SEC23A: variants seen among roughly 807,000 people sequenced by gnomAD.
SEC23A encodes the protein protein transport protein Sec23A.
Under a neutral mutation model 103.7 loss-of-function variants are expected in SEC23A, and 56 were observed. The ratio of observed to expected loss-of-function variants is 0.54; its 90% CI spans 0.44 to 0.67. The LOEUF (loss-of-function observed/expected upper bound fraction) is 0.67. SEC23A is among the 30% of genes least tolerant of loss of function. The pLI is 0.00. For synonymous variants in SEC23A, 281 were observed against 293.0 expected, an observed-to-expected ratio of 0.96 and a Z score of 0.42; for missense variants, 784 against 936.4, an observed-to-expected ratio of 0.84 and a Z score of 2.12.
intron 9 of SEC23A, among the ~76,000 whole-genome samples, chr14:39,070,453 T>C (rs374196825): frequency 6.6e-6 from 1 of 152,094 alleles, no homozygotes; most frequent in African/African-American, 2.4e-5. Flanking sequence ...TGAAGACAGA[T>C]GCAAAAATCC....
At chr14:39,049,482 A>AG in intron 14 of SEC23A, among the ~76,000 whole-genome samples, 1 of 139,738 alleles carries the variant, frequency 7.2e-6, no homozygotes, top group East Asian at 2.2e-4. Flanking sequence ...TCTCCAAAAA[A>AG]AAAAAAAATT....
Position 39,064,614 on chromosome 14 carries a change from T to C in SEC23A, c.1308+299A>G, listed in dbSNP as rs527432330. 2.8e-5 allele frequency: 9 copies of C among 326,864 alleles called. No individual in the cohort carries two copies. The East Asian group carries it at 5.5e-4, about 20-fold the overall frequency. 20.2% of individuals were successfully genotyped at this position (326,864 alleles called of 1,614,324 possible). A position where few individuals can be genotyped will look rare whatever the true frequency, so the allele number is the denominator to read the frequency against. ...GGTATGCAGAAAGAGCAACCATGAA[T>C]AGAGGTATACCAATGGGAGCTGAAC... On this transcript the variant is annotated intron_variant, in intron 11 of 19. Transcript: ENST00000307712.
chr14:39,049,222 A>C (rs1337382139), intron 14 of SEC23A, among the ~76,000 whole-genome samples: 1 of 151,962 alleles, frequency 6.6e-6, no homozygotes, highest in African/African-American at 2.4e-5. Context: ...TCACACCTGT[A>C]ATCCCAGCAC....
intron 5 of SEC23A, among the ~76,000 whole-genome samples, chr14:39,089,556 A>C (rs543961425): frequency 6.6e-6 from 1 of 152,224 alleles, no homozygotes; most frequent in South Asian, 2.1e-4. Flanking sequence ...CACCCTCTTT[A>C]GTCTCTTTCC....
In SEC23A at chr14:39,039,234, A is replaced by T. The variant is rs1885558527; in HGVS notation, c.2143-138T>A. On this transcript the variant is annotated intron_variant, in intron 18 of 19. Coordinates refer to ENST00000307712, the MANE Select transcript of SEC23A (RefSeq NM_006364.4). Reference sequence around the variant, plus strand: ...ATTTTATTAACTTAATTTTTAAAAGATTAAACTTTGAAATGTATAGGTCAC... The same window carrying T: ...ATTTTATTAACTTAATTTTTAAAAGTTTAAACTTTGAAATGTATAGGTCAC... 5.4e-6 allele frequency: 4 copies of T among 734,748 alleles called. No homozygotes were observed. The East Asian group carries it at 1.1e-4, about 20-fold the overall frequency. The allele number at this position is 734,748 out of a possible 1,614,324, so 45.5% of individuals were successfully genotyped here. A position where few individuals can be genotyped will look rare whatever the true frequency, so the allele number is the denominator to read the frequency against.
intron 1 of SEC23A, among the ~76,000 whole-genome samples, chr14:39,096,617 T>C (rs796254785): frequency 3.3e-5 from 5 of 152,228 alleles, no homozygotes; most frequent in African/African-American, 1.2e-4. Context: ...TTAATGGCTC[T>C]ACCCAATGTT....
In SEC23A at chr14:39,094,391, CACACACATATATATATATATATATAT is replaced by C. The variant is rs1416450355; in HGVS notation, c.222-1173_222-1148del. Among the ~76,000 whole-genome samples, 76 of 39,454 alleles carry C rather than the reference CACACACATATATATATATATATATAT, an allele frequency of 1.9e-3. 7 individuals are homozygous for C. Among genetic ancestry groups the C allele is most frequent in the African/African-American group, 5.5e-3 (62 of 11,236 alleles). The allele number at this position is 39,454 out of a possible 152,430, so 25.9% of individuals were successfully genotyped here. On this transcript the variant is annotated intron_variant, in intron 2 of 19. Coordinates refer to ENST00000307712, the MANE Select transcript of SEC23A (RefSeq NM_006364.4). ...ATATATATACACACACACACACACA[CACACACATATATATATATATATATAT>C]ATATATATATATATATATATATATA...
chr14:39,075,958 T>C lies in SEC23A; in HGVS notation c.964A>G (p.Lys322Glu). Reference sequence around the variant, plus strand: ...ACCTTAGTTCCCTTTTTAACATATTTGGCATTGTCTTTGTCAATGTCATGC... The same window carrying C: ...ACCTTAGTTCCCTTTTTAACATATTCGGCATTGTCTTTGTCAATGTCATGC... ...SWHDIDKDNA[K>E]YVKKGTKHFE... The change falls in exon 8 of 20, where the codon AAA (lysine) becomes GAA (glutamate). Residue 322 changes from lysine to glutamate, a missense_variant. Lys to Glu is a moderately conservative substitution (Grantham distance 56). Coordinates refer to ENST00000307712, the MANE Select transcript of SEC23A (RefSeq NM_006364.4). 1 of 1,614,050 alleles carries C rather than the reference T, an allele frequency of 6.2e-7. No individual in the cohort carries two copies.
At chr14:39,068,567 T>C (rs1886748091) in intron 9 of SEC23A, among the ~76,000 whole-genome samples, 1 of 152,116 alleles carries the variant, frequency 6.6e-6, no homozygotes, top group Non-Finnish European at 1.5e-5. Flanking sequence ...CAAATAATCA[T>C]GTAATTAGAG....
intron 9 of SEC23A, among the ~76,000 whole-genome samples, chr14:39,070,242 C>A (rs958675303): frequency 1.5e-4 from 23 of 152,230 alleles, no homozygotes; most frequent in Non-Finnish European, 2.6e-4. Flanking sequence ...GGTGCTCATT[C>A]ATATTTATTA....
chr14:39,042,952 T>G, intron 16 of SEC23A, 80 bp from the exon 17 acceptor site: 21 of 923,084 alleles, frequency 2.3e-5, no homozygotes, highest in African/African-American at 3.4e-5. Context: ...GTTTCCAGGT[T>G]ATTTTCCAAG....
chr14:39,102,713 G>C (rs1347971890), intron 1 of SEC23A, among the ~76,000 whole-genome samples: 1 of 152,104 alleles, frequency 6.6e-6, no homozygotes, highest in African/African-American at 2.4e-5. Flanking sequence ...CAAGGGCCCA[G>C]AGGCGATGAT....
At position 39,032,186 on chromosome 14, in the gene SEC23A, CAT is replaced by C. The variant is rs1885327726; in HGVS notation, c.*1051_*1052del. On this transcript the variant is annotated 3_prime_UTR_variant, in exon 20 of 20. Transcript: ENST00000307712. ...ACATATCTGGCTTTATCAATGTAAA[CAT>C]ATTTGCTACAAGTAAACTTTAAAGG... The C allele has an allele frequency of 6.6e-6, 1 of 152,544 alleles. No homozygotes were observed. The highest frequency in any genetic ancestry group is 2.1e-4 in the South Asian group (1 of 4,828). The allele number at this position is 152,544 out of a possible 1,614,324, so 9.4% of individuals were successfully genotyped here. A position where few individuals can be genotyped will look rare whatever the true frequency, so the allele number is the denominator to read the frequency against.
intron 9 of SEC23A, 152 bp from the exon 10 acceptor site, chr14:39,067,448 A>G (rs1305813673): frequency 1.3e-6 from 1 of 761,292 alleles, no homozygotes; most frequent in Admixed American, 2.5e-5. Context: ...ATATTCAAAT[A>G]TATATGAGAA....
chr14:39,032,966 A>G lies in SEC23A; in HGVS notation c.*273T>C. On this transcript the variant is annotated 3_prime_UTR_variant, in exon 20 of 20. Coordinates refer to ENST00000307712, the MANE Select transcript of SEC23A (RefSeq NM_006364.4). ...ACATCTGTAGTACGAGGCAGACTCT[A>G]TTTTTTATTAAACATAATTAAGTTA... 2.7e-6 allele frequency: 1 copy of G among 375,022 alleles called. No homozygotes were observed. The allele number at this position is 375,022 out of a possible 1,614,324, so 23.2% of individuals were successfully genotyped here. A position where few individuals can be genotyped will look rare whatever the true frequency, so the allele number is the denominator to read the frequency against.
At chr14:39,036,320 CAAAAAA>C (rs59018206) in intron 19 of SEC23A, among the ~76,000 whole-genome samples, 1 of 69,916 alleles carries the variant, frequency 1.4e-5, no homozygotes, top group Non-Finnish European at 2.6e-5. Context: ...GACTCCGTCT[CAAAAAA>C]AAAAAAAAAA....
At chr14:39,047,887 C>T (rs1885897744) in intron 15 of SEC23A, among the ~76,000 whole-genome samples, 1 of 152,206 alleles carries the variant, frequency 6.6e-6, no homozygotes, top group Admixed American at 6.5e-5. Context: ...GGGATAGATT[C>T]CACTGCTCCA....
At chr14:39,093,568 T>C (rs1490950029) in intron 2 of SEC23A, among the ~76,000 whole-genome samples, 9 of 152,140 alleles carry the variant, frequency 5.9e-5, no homozygotes, top group African/African-American at 2.2e-4. Flanking sequence ...AAGACCAGCT[T>C]GGGCAATATG....
At chr14:39,034,491 C>G (rs1023159939) in intron 19 of SEC23A, among the ~76,000 whole-genome samples, 3 of 152,186 alleles carry the variant, frequency 2.0e-5, no homozygotes, top group African/African-American at 7.2e-5. Flanking sequence ...ATAGCTAACA[C>G]AGAAAAGCAC....
Sources: gnomAD v4.1 joint callset for allele counts (sites outside exome capture counted in the v4.1 genomes callset) on GRCh38, gnomAD v4.1.1 for gene constraint, MANE v1.5 for transcripts, NCBI Gene and HGNC (gene_info 2026-07-23, HGNC 2026-07-21) for gene names.